The following EYS variants were observed in gnomAD, a reference collection of about 807,000 sequenced individuals.
The protein encoded by EYS is protein eyes shut homolog.
EYS carries 250 observed loss-of-function variants against 282.1 expected under a neutral mutation model. That is an observed-to-expected ratio of 0.89 (90% CI 0.80 to 0.98). The LOEUF (loss-of-function observed/expected upper bound fraction) is 0.98. EYS is among the 50% of genes least tolerant of loss of function. EYS has a pLI of 0.00. For synonymous variants in EYS, 1,355 were observed against 1,282.9 expected (o/e 1.06, Z -1.20); for missense variants, 4,016 against 3,709.0 (o/e 1.08, Z -2.15).
intron 30 of EYS, among the ~76,000 whole-genome samples, chr6:64,291,568 TG>T (rs1768708565): frequency 1.3e-5 from 2 of 152,016 alleles, no homozygotes; most frequent in South Asian, 4.1e-4. Context: ...AATAGAACAT[TG>T]GAAACTTTTA....
At position 65,495,862 on chromosome 6, in the gene EYS, G is replaced by GACCACC; in HGVS notation, c.-202_-201insGGTGGT. 1.2e-5 allele frequency: 2 copies of GACCACC among 171,592 alleles called. No individual in the cohort carries two copies. Among genetic ancestry groups the GACCACC allele is most frequent in the South Asian group, 1.3e-4 (1 of 7,426 alleles). The allele number at this position is 171,592 out of a possible 1,614,324, so 10.6% of individuals were successfully genotyped here. ...CATAATTAAGCCAGCAACTTACTGC[G>GACCACC]GTCTTTTGTGTTTTCTCTTTACACC... On this transcript the variant is annotated 5_prime_UTR_variant, in exon 3 of 43. Coordinates refer to ENST00000503581, the MANE Select transcript of EYS (RefSeq NM_001142800.2).
intron 35 of EYS, among the ~76,000 whole-genome samples, chr6:63,913,444 C>T (rs1424159515): frequency 1.3e-5 from 2 of 152,166 alleles, no homozygotes; most frequent in African/African-American, 2.4e-5. Flanking sequence ...AATTTCAGAA[C>T]ATTTTTGTCA....
chr6:65,127,989 T>C (rs1262717426), intron 12 of EYS, among the ~76,000 whole-genome samples: 1 of 151,974 alleles, frequency 6.6e-6, no homozygotes, highest in Non-Finnish European at 1.5e-5. Context: ...AATAATAACT[T>C]ACATGATGAA....
intron 34 of EYS, among the ~76,000 whole-genome samples, chr6:63,995,052 C>T (rs1767773850): frequency 6.6e-6 from 1 of 151,822 alleles, no homozygotes; most frequent in Admixed American, 6.6e-5. Context: ...AGCTTCTGTG[C>T]AGCAAAGAAA....
chr6:64,901,749 T>C (rs1767671756), intron 18 of EYS, among the ~76,000 whole-genome samples: 1 of 152,106 alleles, frequency 6.6e-6, no homozygotes, highest in African/African-American at 2.4e-5. Flanking sequence ...TATTAAATAT[T>C]GTATAAAAGT....
chr6:64,799,680 T>C lies in EYS; in HGVS notation c.3443+13698A>G, dbSNP rs184812215. Among the ~76,000 whole-genome samples, 6 of 149,894 alleles carry C rather than the reference T, an allele frequency of 4.0e-5. No individual in the cohort carries two copies. The Admixed American group carries it at 4.0e-4, about 10-fold the overall frequency. ...TATATCTATCTATAATATATATAAGTACATATATAATTAATACATTTATAC... is the reference window on the plus strand; with the variant it reads ...TATATCTATCTATAATATATATAAGCACATATATAATTAATACATTTATAC... On this transcript the variant is annotated intron_variant, in intron 22 of 42. Transcript: ENST00000503581.
chr6:63,753,030 G>A (rs1356866503), intron 41 of EYS, among the ~76,000 whole-genome samples: 1 of 150,472 alleles, frequency 6.6e-6, no homozygotes, highest in Non-Finnish European at 1.5e-5. Context: ...TTTTCTTCCT[G>A]TCCCTTCTTA....
At chr6:64,330,816 C>T (rs768697952) in intron 29 of EYS, among the ~76,000 whole-genome samples, 7 of 152,032 alleles carry the variant, frequency 4.6e-5, no homozygotes, top group Non-Finnish European at 1.0e-4. Flanking sequence ...TTGTGAAAAC[C>T]CCTATATAAC....
Position 63,864,277 on chromosome 6 carries a change from T to C in EYS, c.7137A>G (p.Pro2379=), listed in dbSNP as rs781289715. 7.7e-6 allele frequency: 12 copies of C among 1,551,544 alleles called. No homozygotes were observed. In the South Asian group the frequency reaches 1.4e-4, roughly 18 times the overall value. The change falls in exon 36 of 43, where the codon CCA becomes CCG. Residue 2379 remains proline (P), a synonymous_variant. Coordinates refer to ENST00000503581, the MANE Select transcript of EYS (RefSeq NM_001142800.2). ...LCQFASCENN[P]CGNGATCVPK... ...GAACACAGGTGGCACCATTTCCACA[T>C]GGGTTGTTTTCACAACTTGCAAACT... is the stretch of plus-strand genomic sequence containing the variant.
chr6:64,923,912 GT>G (rs1215963344), intron 15 of EYS, among the ~76,000 whole-genome samples: 2 of 152,166 alleles, frequency 1.3e-5, no homozygotes, highest in Non-Finnish European at 2.9e-5. Flanking sequence ...GGCATTGTCT[GT>G]GGCTTTTCCA....
intron 33 of EYS, among the ~76,000 whole-genome samples, chr6:64,043,359 A>T (rs1453221925): frequency 1.3e-5 from 2 of 152,194 alleles, no homozygotes; most frequent in Non-Finnish European, 2.9e-5. Context: ...TAGCAACAGG[A>T]TGAATATTTA....
At chr6:64,390,179 A>T (rs1582688255) in intron 28 of EYS, among the ~76,000 whole-genome samples, 1 of 152,054 alleles carries the variant, frequency 6.6e-6, no homozygotes, top group South Asian at 2.1e-4. Flanking sequence ...AACTGCAAGG[A>T]GGCAGCGAGG....
At chr6:64,023,687 G>A (rs1769312120) in intron 33 of EYS, among the ~76,000 whole-genome samples, 1 of 152,256 alleles carries the variant, frequency 6.6e-6, no homozygotes, top group African/African-American at 2.4e-5. Context: ...CACTTGGGGA[G>A]GCCTTCAGCC....
intron 2 of EYS, among the ~76,000 whole-genome samples, chr6:65,618,142 T>C (rs1006488500): frequency 2.6e-5 from 4 of 152,308 alleles, no homozygotes; most frequent in South Asian, 2.1e-4. Flanking sequence ...ACTTCCACAA[T>C]GGTTGAACTA....
At position 65,144,891 on chromosome 6, in the gene EYS, A is replaced by G. The variant is rs1045538385; in HGVS notation, c.2024-87164T>C. Among the ~76,000 whole-genome samples the G allele has an allele frequency of 3.7e-4, 56 of 151,852 alleles. 1 individual carries two copies. The highest frequency in any genetic ancestry group is 1.3e-3 in the African/African-American group (52 of 41,450). ...GCGATTCTCCTGCCTCAGCCTCCCAAGTAAAGTAGTTGGGATTATAGGCAT... is the reference window on the plus strand; with the variant it reads ...GCGATTCTCCTGCCTCAGCCTCCCAGGTAAAGTAGTTGGGATTATAGGCAT... On this transcript the variant is annotated intron_variant, in intron 12 of 42. Coordinates refer to ENST00000503581, the MANE Select transcript of EYS (RefSeq NM_001142800.2).
At chr6:65,328,817 A>G (rs1000195648) in intron 11 of EYS, among the ~76,000 whole-genome samples, 1 of 151,204 alleles carries the variant, frequency 6.6e-6, no homozygotes, top group Non-Finnish European at 1.5e-5. Flanking sequence ...ATTCCTTTAC[A>G]CATTATCCTG....
intron 35 of EYS, among the ~76,000 whole-genome samples, chr6:63,970,503 C>T (rs577396086): frequency 1.1e-4 from 17 of 152,162 alleles, no homozygotes; most frequent in Non-Finnish European, 2.2e-4. Flanking sequence ...GGCCTGGTGG[C>T]GGGTGCCTGT....
At chr6:65,302,211 C>T (rs1287356179) in intron 11 of EYS, among the ~76,000 whole-genome samples, 9 of 152,182 alleles carry the variant, frequency 5.9e-5, no homozygotes, top group African/African-American at 2.2e-4. Flanking sequence ...AAAACACATG[C>T]TGTGTTTGAA....
At chr6:65,145,685 C>G (rs1331701460) in intron 12 of EYS, among the ~76,000 whole-genome samples, 1 of 152,022 alleles carries the variant, frequency 6.6e-6, no homozygotes, top group Admixed American at 6.6e-5. Flanking sequence ...CTTTGCACCA[C>G]TGGTATTTAT....
Sources: allele counts gnomAD v4.1 joint callset (sites outside exome capture counted in the v4.1 genomes callset), GRCh38; gene constraint gnomAD v4.1.1; transcripts MANE v1.5; gene names NCBI Gene and HGNC (gene_info 2026-07-23, HGNC 2026-07-21).